The following ZNF704 variants were observed in gnomAD, a reference collection of about 807,000 sequenced individuals.
ZNF704 encodes the protein glucocorticoid induced gene 1.
In ZNF704, 10 loss-of-function variants were observed where a neutral mutation model predicts 44.7. The observed-to-expected ratio is 0.22, with a 90% CI of 0.14 to 0.38. The LOEUF (loss-of-function observed/expected upper bound fraction) is 0.38, where lower values mean the gene tolerates loss of function less well. ZNF704 is among the 10% of genes least tolerant of loss of function. The pLI is 1.00. For synonymous variants in ZNF704, 211 were observed against 207.6 expected, an observed-to-expected ratio of 1.02 and a Z score of -0.14; for missense variants, 390 against 545.5, an observed-to-expected ratio of 0.71 and a Z score of 2.84.
chr8:80,787,333 C>T (rs990806952), intron 2 of ZNF704, among the ~76,000 whole-genome samples: 1 of 152,166 alleles, frequency 6.6e-6, no homozygotes, highest in African/African-American at 2.4e-5. Context: ...TGTGCGTGCA[C>T]ACACACTCAC....
At chr8:80,769,563 T>A (rs957839530) in intron 2 of ZNF704, among the ~76,000 whole-genome samples, 3 of 152,212 alleles carry the variant, frequency 2.0e-5, no homozygotes, top group African/African-American at 7.2e-5. Flanking sequence ...AGGGGCAAAA[T>A]GCCACCAGTC....
At position 80,633,125 on chromosome 8, in the gene ZNF704, G is replaced by T. The variant is rs1465427106; in HGVS notation, c.*8241C>A. ...AGGCATTGCCAATGTCATTTAAATT[G>T]CATTCATATTTAAACATGACTTAAC... On this transcript the variant is annotated 3_prime_UTR_variant, in exon 9 of 9. Coordinates refer to ENST00000327835, the MANE Select transcript of ZNF704 (RefSeq NM_001033723.3). 1.3e-5 allele frequency: 2 copies of T among 152,146 alleles called. No homozygotes were observed. Among genetic ancestry groups the T allele is most frequent in the African/African-American group, 4.8e-5 (2 of 41,434 alleles). The allele number at this position is 152,146 out of a possible 1,614,324, so 9.4% of individuals were successfully genotyped here.
intron 7 of ZNF704, among the ~76,000 whole-genome samples, chr8:80,648,441 A>G (rs1207472270): frequency 1.3e-5 from 2 of 152,152 alleles, no homozygotes; most frequent in Non-Finnish European, 2.9e-5. Context: ...TCAGCTTCTT[A>G]TTTTAGTTGA....
At chr8:80,731,718 T>C (rs1044965172) in intron 2 of ZNF704, among the ~76,000 whole-genome samples, 8 of 152,156 alleles carry the variant, frequency 5.3e-5, no homozygotes, top group Non-Finnish European at 8.8e-5. Flanking sequence ...GCTATAATCA[T>C]GCCACTGCAC....
At chr8:80,860,975 T>C (rs2130037955) in intron 1 of ZNF704, among the ~76,000 whole-genome samples, 1 of 152,258 alleles carries the variant, frequency 6.6e-6, no homozygotes, top group South Asian at 2.1e-4. Context: ...CAGGAAGTCT[T>C]CCACTTAGAA....
chr8:80,848,202 T>C (rs1808797906), intron 1 of ZNF704, among the ~76,000 whole-genome samples: 2 of 152,104 alleles, frequency 1.3e-5, no homozygotes, highest in Non-Finnish European at 2.9e-5. Context: ...ATCATAGAAA[T>C]GGAAAACAGA....
intron 1 of ZNF704, among the ~76,000 whole-genome samples, chr8:80,841,773 T>C (rs919347901): frequency 6.6e-6 from 1 of 151,932 alleles, no homozygotes; most frequent in African/African-American, 2.4e-5. Context: ...TATCAATAGG[T>C]TTAAGTCTCT....
chr8:80,734,456 C>A lies in ZNF704; in HGVS notation c.222-41349G>T, dbSNP rs536787927. On this transcript the variant is annotated intron_variant, in intron 2 of 8. Transcript: ENST00000327835. ...TTTGAAGTACTATGACTATCCATAA[C>A]AAGAATTAGATGTCTAACTGTTCAG... Among the ~76,000 whole-genome samples the A allele has an allele frequency of 2.4e-4, 36 of 152,150 alleles. No homozygotes were observed. The East Asian group carries it at 3.3e-3, about 14-fold the overall frequency.
intron 7 of ZNF704, among the ~76,000 whole-genome samples, chr8:80,651,114 G>A (rs1485953105): frequency 6.6e-6 from 1 of 152,188 alleles, no homozygotes; most frequent in East Asian, 1.9e-4. Context: ...ACAAGCAAAT[G>A]CTGAGAGATT....
chr8:80,763,871 A>G (rs1196183712), intron 2 of ZNF704, among the ~76,000 whole-genome samples: 1 of 152,198 alleles, frequency 6.6e-6, no homozygotes, highest in African/African-American at 2.4e-5. Context: ...AAAGTTACAC[A>G]GGTCTCTCTA....
intron 1 of ZNF704, among the ~76,000 whole-genome samples, chr8:80,859,825 T>C (rs1809028599): frequency 1.3e-5 from 2 of 152,022 alleles, no homozygotes; most frequent in Non-Finnish European, 2.9e-5. Context: ...CACAGAGAGA[T>C]TAGAAGAGGT....
chr8:80,831,139 A>G (rs1808466214), intron 1 of ZNF704, among the ~76,000 whole-genome samples: 1 of 152,212 alleles, frequency 6.6e-6, no homozygotes, highest in African/African-American at 2.4e-5. Context: ...ATGGATCTTA[A>G]AAACAAAACC....
At chr8:80,792,276 G>A (rs760275813) in intron 2 of ZNF704, among the ~76,000 whole-genome samples, 1 of 152,148 alleles carries the variant, frequency 6.6e-6, no homozygotes, top group African/African-American at 2.4e-5. Context: ...ATGCAAATTT[G>A]AACAACTTCT....
At chr8:80,883,819 A>G in the ZNF704 span, among the ~76,000 whole-genome samples, 541 of 152,338 alleles carry the variant, frequency 3.6e-3, 3 homozygotes, top group African/African-American at 0.012. Context: ...CAGGTTTCCA[A>G]TTAGGGTATT....
intron 2 of ZNF704, among the ~76,000 whole-genome samples, chr8:80,796,522 C>A (rs929808495): frequency 6.6e-6 from 1 of 152,212 alleles, no homozygotes; most frequent in African/African-American, 2.4e-5. Flanking sequence ...TGCCCATGCC[C>A]TCCCCGCAAA....
intron 1 of ZNF704, among the ~76,000 whole-genome samples, chr8:80,826,792 T>G (rs1808385118): frequency 6.6e-6 from 1 of 152,092 alleles, no homozygotes; most frequent in Non-Finnish European, 1.5e-5. Context: ...ATAAATGTAA[T>G]CCATCATATA....
rs1808272059 is a variant in ZNF704, at chr8:80,821,574, T to C, written c.21A>G (p.Ser7=). The C allele has an allele frequency of 6.2e-7, 1 of 1,613,546 alleles. No individual in the cohort carries two copies. Among genetic ancestry groups the C allele is most frequent in the Non-Finnish European group, 8.5e-7 (1 of 1,179,874 alleles). ...TACCACAGTCACGTTTTAAGTCCTC[T>C]GACTGAAATGTGAAGGTCATTTCCC... MTFTFQ[S]EDLKRDCGKK... Residue 7 remains serine, a synonymous_variant, in exon 2 of 9, where the codon TCA becomes TCG. Transcript: ENST00000327835.
chr8:80,875,959 A>C (rs1809350023), upstream of ZNF704, among the ~76,000 whole-genome samples: 1 of 152,230 alleles, frequency 6.6e-6, no homozygotes, highest in Non-Finnish European at 1.5e-5. Context: ...TAGCGGTATC[A>C]TTTTAACTCC....
At chr8:80,761,471 T>C (rs921426401) in intron 2 of ZNF704, among the ~76,000 whole-genome samples, 1 of 152,136 alleles carries the variant, frequency 6.6e-6, no homozygotes, top group Non-Finnish European at 1.5e-5. Flanking sequence ...CTAAACACTA[T>C]AATCCTGAAC....
Sources: gnomAD v4.1 joint callset for allele counts (sites outside exome capture counted in the v4.1 genomes callset) on GRCh38, gnomAD v4.1.1 for gene constraint, MANE v1.5 for transcripts, NCBI Gene and HGNC (gene_info 2026-07-23, HGNC 2026-07-21) for gene names.